CYP39A1: variants seen among roughly 807,000 people sequenced by gnomAD.
CYP39A1 encodes the protein 24-hydroxycholesterol 7-alpha-hydroxylase.
Under a neutral mutation model 58.1 loss-of-function variants are expected in CYP39A1, and 49 were observed. That is an observed-to-expected ratio of 0.84 (90% confidence interval 0.67 to 1.07). The LOEUF (loss-of-function observed/expected upper bound fraction) is 1.07. Among genes scored for constraint, CYP39A1 ranks in the 50% least tolerant of loss-of-function variants. CYP39A1 has a pLI of 0.00. For synonymous variants in CYP39A1, 209 were observed against 187.6 expected (o/e 1.11, Z -0.93); for missense variants, 531 against 539.4 (o/e 0.98, Z 0.16).
At chr6:46,582,027 G>A (rs7743558) in intron 10 of CYP39A1, among the ~76,000 whole-genome samples, 30,452 of 152,034 alleles carry the variant, frequency 0.2, 3,164 homozygotes, top group African/African-American at 0.21. Context: ...CAGAGTCTCA[G>A]AATTAGCCAC....
chr6:46,563,385 C>A (rs139517551), intron 10 of CYP39A1, among the ~76,000 whole-genome samples: 8 of 152,136 alleles, frequency 5.3e-5, no homozygotes, highest in Non-Finnish European at 1.2e-4. Flanking sequence ...TTATCTTTTA[C>A]ACTTACAAGA....
chr6:46,652,467 A>G lies in CYP39A1; in HGVS notation c.116T>C (p.Ile39Thr), dbSNP rs1446279680. Residue 39 changes from isoleucine to threonine, a missense_variant, in exon 1 of 12, where the codon ATT (isoleucine) becomes ACT (threonine). Physicochemically the swap from Ile to Thr is moderately conservative, Grantham distance 89. Coordinates refer to ENST00000275016, the MANE Select transcript of CYP39A1 (RefSeq NM_016593.5). Reference sequence around the variant, plus strand: ...TTTCCCAAACTCAAATCCAACTCCAATCCAAGGAATCCAGCCCTTGATGCA... The same window carrying G: ...TTTCCCAAACTCAAATCCAACTCCAGTCCAAGGAATCCAGCCCTTGATGCA... ...PPCIKGWIPW[I>T]GVGFEFGKAP... The G allele has an allele frequency of 3.1e-6, 5 of 1,613,790 alleles. No homozygotes were observed. The South Asian group carries it at 3.3e-5, about 11-fold the overall frequency.
At chr6:46,628,298 T>A (rs1401020148) in intron 6 of CYP39A1, among the ~76,000 whole-genome samples, 1 of 152,150 alleles carries the variant, frequency 6.6e-6, no homozygotes, top group Non-Finnish European at 1.5e-5. Context: ...ATGAACGAAA[T>A]GTACAAGACA....
chr6:46,646,146 A>G (rs1762309429), intron 1 of CYP39A1, among the ~76,000 whole-genome samples: 1 of 152,088 alleles, frequency 6.6e-6, no homozygotes, highest in Admixed American at 6.5e-5. Flanking sequence ...TAAAATTTCC[A>G]GCACTATGCT....
intron 7 of CYP39A1, among the ~76,000 whole-genome samples, chr6:46,622,627 T>G (rs1775033449): frequency 6.7e-6 from 1 of 149,184 alleles, no homozygotes; most frequent in Non-Finnish European, 1.5e-5. Flanking sequence ...AATTAAAAAG[T>G]GTGCAATTAA....
rs761288848 is a variant in CYP39A1 at position 46,588,825 on chromosome 6, T to C, written c.1066-696A>G. 7.9e-5 allele frequency among the ~76,000 whole-genome samples: 12 copies of C among 152,322 alleles called. 1 individual carries two copies. Among genetic ancestry groups the C allele is most frequent in the Middle Eastern group, 6.8e-3 (2 of 294 alleles). On this transcript the variant is annotated intron_variant, in intron 8 of 11. Coordinates refer to ENST00000275016, the MANE Select transcript of CYP39A1 (RefSeq NM_016593.5). The stretch of plus-strand genomic sequence containing the variant: ...CTTGTGGAAATGAGGATAAACAATG[T>C]GTTTCCTCAGGTAGTCTACATTATC...
At chr6:46,589,255 C>G (rs945625133) in intron 8 of CYP39A1, among the ~76,000 whole-genome samples, 1 of 151,932 alleles carries the variant, frequency 6.6e-6, no homozygotes, top group Non-Finnish European at 1.5e-5. Flanking sequence ...GAGTTTGAGA[C>G]CAGCCTAGGC....
In CYP39A1 at chr6:46,550,320, T is replaced by C. The variant is rs372087189; in HGVS notation, c.*46A>G. The C allele has an allele frequency of 3.2e-6, 5 of 1,546,326 alleles. No homozygotes were observed. On this transcript the variant is annotated 3_prime_UTR_variant, in exon 12 of 12. Coordinates refer to ENST00000275016, the MANE Select transcript of CYP39A1 (RefSeq NM_016593.5). ...GTCTAGGTGCTGCCAGGTGGGGTAG[T>C]GCCACTCCTCCAGAAGGCCCTGGTC...
rs75819502 is a variant in CYP39A1, at chr6:46,609,058, A to G, written c.932-12938T>C. Reference sequence around the variant, plus strand: ...ACACTTTTGTACAATTATTCTTTTAATTTTGAAAGGAAATAGTGTGAAACT... The same window carrying G: ...ACACTTTTGTACAATTATTCTTTTAGTTTTGAAAGGAAATAGTGTGAAACT... On this transcript the variant is annotated intron_variant, in intron 7 of 11. Coordinates refer to ENST00000275016, the MANE Select transcript of CYP39A1 (RefSeq NM_016593.5). Among the ~76,000 whole-genome samples the G allele has an allele frequency of 1.3e-3, 195 of 152,230 alleles. 4 individuals carry two copies. In the East Asian group the frequency reaches 0.016, roughly 12 times the overall value.
intron 10 of CYP39A1, among the ~76,000 whole-genome samples, chr6:46,572,048 T>C (rs1771611741): frequency 6.6e-6 from 1 of 152,096 alleles, no homozygotes; most frequent in African/African-American, 2.4e-5. Context: ...ACTCTACATT[T>C]TACTTCTCTC....
At chr6:46,560,242 C>T (rs1259742076) in intron 10 of CYP39A1, among the ~76,000 whole-genome samples, 1 of 151,962 alleles carries the variant, frequency 6.6e-6, no homozygotes, top group East Asian at 1.9e-4. Flanking sequence ...CCTTCAGTTG[C>T]TACACTGAGA....
intron 7 of CYP39A1, among the ~76,000 whole-genome samples, chr6:46,610,446 A>T (rs1774143268): frequency 6.6e-6 from 1 of 152,016 alleles, no homozygotes; most frequent in Admixed American, 6.6e-5. Context: ...GGTTCAAGTG[A>T]TCCTCCCACC....
intron 8 of CYP39A1, among the ~76,000 whole-genome samples, chr6:46,593,082 G>T (rs1432098982): frequency 6.6e-6 from 1 of 152,108 alleles, no homozygotes; most frequent in Non-Finnish European, 1.5e-5. Flanking sequence ...CTCTCTAGAT[G>T]CATAAAAAGT....
intron 10 of CYP39A1, among the ~76,000 whole-genome samples, chr6:46,575,246 G>C (rs1771789480): frequency 6.6e-6 from 1 of 152,094 alleles, no homozygotes; most frequent in Non-Finnish European, 1.5e-5. Flanking sequence ...GTTTGACATG[G>C]GAATGTCTAT....
In CYP39A1 at chr6:46,553,462, G is replaced by A. The variant is rs185625941; in HGVS notation, c.1338+305C>T. ...CTAGAAAAATAAGGGCAAAGTGGGC[G>A]CCATGTTTATTTAACTCAGAGAAAA... On this transcript the variant is annotated intron_variant, in intron 11 of 11. Transcript: ENST00000275016. 6.8e-4 allele frequency among the ~76,000 whole-genome samples: 104 copies of A among 152,248 alleles called. 1 individual carries two copies. The South Asian group carries it at 0.016, about 24-fold the overall frequency.
At position 46,567,999 on chromosome 6, in the gene CYP39A1, A is replaced by T. The variant is rs928263508; in HGVS notation, c.1251-14145T>A. On this transcript the variant is annotated intron_variant, in intron 10 of 11. Transcript: ENST00000275016. ...GAGCTTATAAGACATTTTTTTTTAA[A>T]AAAAAAACAGGTGTATGTAACCTTA... is the stretch of plus-strand genomic sequence containing the variant. Among the ~76,000 whole-genome samples, 7 of 70,950 alleles carry T rather than the reference A, an allele frequency of 9.9e-5. No homozygotes were observed. The African/African-American group carries it at 1.5e-3, about 15-fold the overall frequency. The allele number at this position is 70,950 out of a possible 152,430, so 46.5% of individuals were successfully genotyped here.
chr6:46,549,954 T>G lies in CYP39A1; in HGVS notation c.*412A>C, dbSNP rs533371611. 1 of 154,148 alleles carries G rather than the reference T, an allele frequency of 6.5e-6. No individual in the cohort carries two copies. The highest frequency in any genetic ancestry group is 6.5e-5 in the Admixed American group (1 of 15,340). 9.5% of individuals were successfully genotyped at this position (154,148 alleles called of 1,614,324 possible). ...AATTTGTAGAAATAATTATTAAATT[T>G]TAAAAATCTAAGCCTTTTAGACTTT... On this transcript the variant is annotated 3_prime_UTR_variant, in exon 12 of 12. Transcript: ENST00000275016.
chr6:46,648,600 A>G (rs993692317), intron 1 of CYP39A1, among the ~76,000 whole-genome samples: 2 of 151,936 alleles, frequency 1.3e-5, no homozygotes, highest in Non-Finnish European at 2.9e-5. Context: ...GCACACCAAC[A>G]TGGCACATGT....
Position 46,631,060 on chromosome 6 carries a change from T to A in CYP39A1, c.743A>T (p.Gln248Leu). Residue 248 changes from glutamine to leucine, a missense_variant, in exon 6 of 12, where the codon CAA becomes CTA. Physicochemically the swap from Gln to Leu is moderately radical, Grantham distance 113. Coordinates refer to ENST00000275016, the MANE Select transcript of CYP39A1 (RefSeq NM_016593.5). ...SAKDNSMTLL[Q>L]ATLDIVETET... Reference sequence around the variant, plus strand: ...CGTCTCTACAATATCCAGCGTAGCTTGCAATAATGTCTGTTTAAAAGAAAT... The same window carrying A: ...CGTCTCTACAATATCCAGCGTAGCTAGCAATAATGTCTGTTTAAAAGAAAT... 2 of 1,612,712 alleles carry A rather than the reference T, an allele frequency of 1.2e-6. No individual in the cohort carries two copies. Among genetic ancestry groups the A allele is most frequent in the Non-Finnish European group, 1.7e-6 (2 of 1,179,102 alleles).
Sources: gnomAD v4.1 joint callset for allele counts (sites outside exome capture counted in the v4.1 genomes callset) on GRCh38, gnomAD v4.1.1 for gene constraint, MANE v1.5 for transcripts, NCBI Gene and HGNC (gene_info 2026-07-23, HGNC 2026-07-21) for gene names.